DLGAP2: variants seen among roughly 807,000 people sequenced by gnomAD.
DLGAP2 encodes the protein DLG associated protein 2, also known as disks large-associated protein 2.
Under a neutral mutation model 100.3 loss-of-function variants are expected in DLGAP2, and 26 were observed. That is an observed-to-expected ratio of 0.26 (90% CI 0.19 to 0.36). DLGAP2 has a LOEUF of 0.36. DLGAP2 is among the 10% of genes least tolerant of loss of function. DLGAP2 has a pLI of 1.00. For missense variants in DLGAP2, 1,858 were observed against 1,453.2 expected, an observed-to-expected ratio of 1.28 and a Z score of -4.53; for synonymous variants, 886 against 630.1, an observed-to-expected ratio of 1.41 and a Z score of -6.08.
chr8:1,086,913 A>C (rs1227066885), intron 2 of DLGAP2, among the ~76,000 whole-genome samples: 2 of 152,202 alleles, frequency 1.3e-5, no homozygotes, highest in African/African-American at 2.4e-5. Flanking sequence ...AAATGGACCT[A>C]ATAAATACAG....
chr8:1,632,857 G>A lies in DLGAP2; in HGVS notation c.1621G>A (p.Glu541Lys), dbSNP rs772480572. The A allele has an allele frequency of 8.7e-6, 14 of 1,613,190 alleles. No individual in the cohort carries two copies. Among genetic ancestry groups the A allele is most frequent in the East Asian group, 2.2e-5 (1 of 44,874 alleles). ...VSEAEINGQF[E>K]SVCESVFSEV... ...CGAGGCGGAGATCAATGGGCAATTC[G>A]AGTCCGTGTGCGAGTCCGTCTTCAG... Residue 541 changes from glutamate to lysine, a missense_variant, in exon 8 of 15, where the codon GAG becomes AAG. Glu to Lys is a moderately conservative substitution (Grantham distance 56). Transcript: ENST00000637795.
intron 2 of DLGAP2, among the ~76,000 whole-genome samples, chr8:916,027 T>C (rs545064070): frequency 6.9e-4 from 102 of 147,284 alleles, no homozygotes; most frequent in African/African-American, 2.5e-3. Context: ...GTCCTCCTCA[T>C]TGTAGACTCT....
intron 12 of DLGAP2, among the ~76,000 whole-genome samples, chr8:1,687,573 A>G (rs533647580): frequency 1.3e-5 from 2 of 152,212 alleles, no homozygotes; most frequent in African/African-American, 2.4e-5. Context: ...CATTAGCTAC[A>G]CTTTTTGACA....
chr8:1,476,316 G>C (rs895731323), intron 3 of DLGAP2, among the ~76,000 whole-genome samples: 8 of 152,156 alleles, frequency 5.3e-5, no homozygotes, highest in Non-Finnish European at 1.0e-4. Flanking sequence ...ATCTACGTGA[G>C]AGAGCAATAC....
At position 809,389 on chromosome 8, in the gene DLGAP2, C is replaced by G. The variant is rs971638310; in HGVS notation, c.18+71564C>G. Among the ~76,000 whole-genome samples the G allele has an allele frequency of 7.3e-5, 11 of 151,274 alleles. 1 individual carries two copies. Among genetic ancestry groups the G allele is most frequent in the African/African-American group, 2.7e-4 (11 of 41,302 alleles). ...TTTTACCTACACCATTTATTTTGGTCTGAGTTTTGACTGCTAAGAAAATAC... is the reference window on the plus strand; with the variant it reads ...TTTTACCTACACCATTTATTTTGGTGTGAGTTTTGACTGCTAAGAAAATAC... On this transcript the variant is annotated intron_variant, in intron 1 of 14. Coordinates refer to ENST00000637795, the MANE Select transcript of DLGAP2 (RefSeq NM_001346810.2).
intron 1 of DLGAP2, among the ~76,000 whole-genome samples, chr8:859,568 C>A (rs968352112): frequency 6.6e-6 from 1 of 152,190 alleles, no homozygotes; most frequent in Admixed American, 6.5e-5. Flanking sequence ...AATGGCCCAT[C>A]GCCCCCTGCC....
At chr8:1,010,854 C>CAGCCACAGGCAGGGGCCTGCACAGTG (rs1412860377) in intron 2 of DLGAP2, among the ~76,000 whole-genome samples, 4 of 152,232 alleles carry the variant, frequency 2.6e-5, no homozygotes, top group African/African-American at 9.6e-5. Context: ...CCTCTGGGTC[C>CAGCCACAGGCAGGGGCCTGCACAGTG]AGCCACAGGC....
intron 3 of DLGAP2, among the ~76,000 whole-genome samples, chr8:1,434,134 G>C (rs1797547299): frequency 6.6e-6 from 1 of 152,160 alleles, no homozygotes; most frequent in South Asian, 2.1e-4. Flanking sequence ...CCGCAGGGCT[G>C]AGGGTTTCGC....
chr8:914,265 C>T (rs1403120180), intron 2 of DLGAP2, among the ~76,000 whole-genome samples: 1 of 152,234 alleles, frequency 6.6e-6, no homozygotes, highest in African/African-American at 2.4e-5. Flanking sequence ...TCCCCCGTGA[C>T]CCGCCTCTAA....
chr8:898,288 G>A (rs2128996894), intron 1 of DLGAP2, among the ~76,000 whole-genome samples: 1 of 152,152 alleles, frequency 6.6e-6, no homozygotes, highest in Middle Eastern at 3.4e-3. Flanking sequence ...CTTGGGTGAG[G>A]TCTGGCGACT....
At chr8:1,357,366 A>G (rs1801880367) in intron 3 of DLGAP2, among the ~76,000 whole-genome samples, 1 of 150,770 alleles carries the variant, frequency 6.6e-6, no homozygotes, top group African/African-American at 2.4e-5. Context: ...TAAACCAGAT[A>G]CAACCCCTTC....
intron 3 of DLGAP2, among the ~76,000 whole-genome samples, chr8:1,273,393 C>T (rs1047968459): frequency 2.0e-5 from 3 of 152,198 alleles, no homozygotes; most frequent in Non-Finnish European, 4.4e-5. Flanking sequence ...TAAATCACCC[C>T]AGGTCACACA....
chr8:1,137,618 T>A (rs568121264), intron 2 of DLGAP2: 1 of 152,340 alleles, frequency 6.6e-6, no homozygotes, highest in Admixed American at 6.5e-5. Flanking sequence ...ATGTTTCTAG[T>A]ATTCACAGCC....
intron 2 of DLGAP2, among the ~76,000 whole-genome samples, chr8:987,086 C>G (rs1281594134): frequency 6.6e-6 from 1 of 152,150 alleles, no homozygotes; most frequent in Non-Finnish European, 1.5e-5. Flanking sequence ...TCACCAAACT[C>G]CCGTCTTTTT....
rs1029471643 is a variant in DLGAP2 at position 848,951 on chromosome 8, G to A, written c.19-58961G>A. Among the ~76,000 whole-genome samples, 10 of 150,314 alleles carry A rather than the reference G, an allele frequency of 6.7e-5. No homozygotes were observed. In the East Asian group the frequency reaches 7.9e-4, roughly 12 times the overall value. On this transcript the variant is annotated intron_variant, in intron 1 of 14. Coordinates refer to ENST00000637795, the MANE Select transcript of DLGAP2 (RefSeq NM_001346810.2). The stretch of plus-strand genomic sequence containing the variant: ...TGCCTGTTCCAGCATAGGAACGCGC[G>A]GTGCCTGTTCCAGCATAGGATCGTG...
At chr8:835,576 G>A (rs1796857740) in intron 1 of DLGAP2, among the ~76,000 whole-genome samples, 1 of 151,712 alleles carries the variant, frequency 6.6e-6, no homozygotes, top group South Asian at 2.1e-4. Context: ...CCGGGGGTTC[G>A]TTTGTGGCTG....
intron 2 of DLGAP2, among the ~76,000 whole-genome samples, chr8:1,254,126 G>T (rs1359300624): frequency 6.6e-6 from 1 of 152,214 alleles, no homozygotes. Flanking sequence ...AACCCAGTGT[G>T]CCTGTGGGCT....
At chr8:773,919 C>G (rs1208733552) in intron 1 of DLGAP2, among the ~76,000 whole-genome samples, 1 of 152,150 alleles carries the variant, frequency 6.6e-6, no homozygotes, top group Non-Finnish European at 1.5e-5. Context: ...AGAGGAATCG[C>G]CACACTGACT....
At chr8:1,069,931 C>G (rs1387336254) in intron 2 of DLGAP2, among the ~76,000 whole-genome samples, 8 of 152,214 alleles carry the variant, frequency 5.3e-5, no homozygotes, top group Non-Finnish European at 1.2e-4. Context: ...GCTGAACCCC[C>G]TCCCCAAAGC....
Sources: gnomAD v4.1 joint callset for allele counts (sites outside exome capture counted in the v4.1 genomes callset) on GRCh38, gnomAD v4.1.1 for gene constraint, MANE v1.5 for transcripts, NCBI Gene and HGNC (gene_info 2026-07-23, HGNC 2026-07-21) for gene names.